INPP1: variants seen among roughly 807,000 people sequenced by gnomAD.
INPP1 encodes the protein inositol polyphosphate 1-phosphatase.
In INPP1, 18 loss-of-function variants were observed where a neutral mutation model predicts 23.0. The observed-to-expected ratio is 0.78, with a 90% confidence interval of 0.54 to 1.16. The LOEUF (loss-of-function observed/expected upper bound fraction) is 1.16. Ranked by LOEUF, INPP1 falls within the 50% of genes most tolerant of loss-of-function variation. The pLI is 0.00. For synonymous variants in INPP1, 164 were observed against 176.3 expected (o/e 0.93, Z 0.55); for missense variants, 448 against 482.1 (o/e 0.93, Z 0.66).
chr2:190,360,398 A>G, intron 3 of INPP1, 92 bp downstream of exon 3: 1 of 996,256 alleles, frequency 1.0e-6, no homozygotes, highest in East Asian at 2.6e-5. Flanking sequence ...CCTCACCCCT[A>G]TCAGTATACT....
rs1689333225 is a variant in INPP1, at chr2:190,352,012, C to A, written c.-65+2981C>A. 6.6e-6 allele frequency among the ~76,000 whole-genome samples: 1 copy of A among 152,172 alleles called. No homozygotes were observed. Among genetic ancestry groups the A allele is most frequent in the African/African-American group, 2.4e-5 (1 of 41,442 alleles). On this transcript the variant is annotated intron_variant, in intron 2 of 6. Transcript: ENST00000392329. This position sits in a 1 kb window ranked among gnomAD's most constrained non-coding sequence, Gnocchi z 4.7. The stretch of plus-strand genomic sequence containing the variant: ...AGCTATTCCATTGGATACATAGTGG[C>A]ACCCTGTTGAGATTTTAAGTTGCAT...
Position 190,367,675 on chromosome 2 carries a change from C to T in INPP1, c.466+780C>T, listed in dbSNP as rs192963836. On this transcript the variant is annotated intron_variant, in intron 5 of 6. Coordinates refer to ENST00000392329, the MANE Select transcript of INPP1 (RefSeq NM_001128928.2). This position sits in a 1 kb window ranked among gnomAD's most constrained non-coding sequence, Gnocchi z 4.1. The stretch of plus-strand genomic sequence containing the variant: ...CAAGCAATCCTCCTATCTCAGCTTC[C>T]CAAGTAGCTGGGACCCAAGTAGGTG... Among the ~76,000 whole-genome samples the T allele has an allele frequency of 3.0e-3, 453 of 152,270 alleles. 4 individuals are homozygous for T. The highest frequency in any genetic ancestry group is 0.01 in the African/African-American group (425 of 41,548).
intron 2 of INPP1, chr2:190,359,556 C>CA (rs756661265): frequency 0.042 from 2,584 of 61,128 alleles, 77 homozygotes; most frequent in Admixed American, 0.14. Flanking sequence ...GACTCCGTCT[C>CA]AAAAAAAAAA....
In INPP1 at chr2:190,371,090, T is replaced by C; in HGVS notation, c.888T>C (p.Cys296=). 1 of 1,614,206 alleles carries C rather than the reference T, an allele frequency of 6.2e-7. No homozygotes were observed. The highest frequency in any genetic ancestry group is 1.3e-5 in the African/African-American group (1 of 75,032). ...GAAGAGYKSL[C]VVQGLVDIYI... ...CTGGGGCTGGTTATAAGAGCCTATGTGTTGTCCAAGGCCTCGTTGACATTT... is the reference window on the plus strand; with the variant it reads ...CTGGGGCTGGTTATAAGAGCCTATGCGTTGTCCAAGGCCTCGTTGACATTT... The change falls in exon 7 of 7, where the codon TGT becomes TGC. Residue 296 remains cysteine, a synonymous_variant. Transcript: ENST00000392329. This position sits in a 1 kb window ranked among gnomAD's most constrained non-coding sequence, Gnocchi z 5.3.
rs1477108031 is a variant in INPP1 at position 190,354,384 on chromosome 2, C to A, written c.-65+5353C>A. Among the ~76,000 whole-genome samples, 1 of 140,430 alleles carries A rather than the reference C, an allele frequency of 7.1e-6. No individual in the cohort carries two copies. The highest frequency in any genetic ancestry group is 1.6e-5 in the Non-Finnish European group (1 of 63,572). 92.1% of individuals were successfully genotyped at this position (140,430 alleles called of 152,430 possible). A position where few individuals can be genotyped will look rare whatever the true frequency, so the allele number is the denominator to read the frequency against. ...TTTTAGGGGCTAAATTATGTTACTT[C>A]AAAATTCACATGTTGAAGCCCCAAC... On this transcript the variant is annotated intron_variant, in intron 2 of 6. Coordinates refer to ENST00000392329, the MANE Select transcript of INPP1 (RefSeq NM_001128928.2). The surrounding 1 kb of genome is among the most constrained non-coding windows in gnomAD (Gnocchi z 4.8).
At chr2:190,366,935 T>G in intron 5 of INPP1, 40 bp downstream of exon 5, 1 of 1,402,096 alleles carries the variant, frequency 7.1e-7, no homozygotes, top group Non-Finnish European at 1.0e-6. Flanking sequence ...TTTGCAATCT[T>G]TTTTTTGGTG....
rs768666886 is a variant in INPP1 at position 190,370,878 on chromosome 2, A to G, written c.676A>G (p.Met226Val). 12 of 1,613,278 alleles carry G rather than the reference A, an allele frequency of 7.4e-6. No individual in the cohort carries two copies. The highest frequency in any genetic ancestry group is 1.3e-5 in the African/African-American group (1 of 74,876). ...ACAGTGCTATTGGGGCCTTTCTTAC[A>G]TGGGGACCAACATGCATTCACTACA... ...KGQCYWGLSYMGTNMHSLQLT... is the reference protein window; with the variant it reads ...KGQCYWGLSYVGTNMHSLQLT... The change falls in exon 7 of 7, where the codon ATG becomes GTG. Residue 226 changes from methionine (M) to valine (V), a missense_variant. By Grantham distance (21) the Met-to-Val change is conservative. Coordinates refer to ENST00000392329, the MANE Select transcript of INPP1 (RefSeq NM_001128928.2).
chr2:190,370,791 G>A, intron 6 of INPP1, 53 bp from the exon 7 acceptor site: 1 of 1,293,344 alleles, frequency 7.7e-7, no homozygotes, highest in African/African-American at 1.5e-5. Context: ...AGTGACATGA[G>A]TAATGAAAAA....
intron 3 of INPP1, 40 bp from the exon 4 acceptor site, chr2:190,362,587 G>C (rs1201154593): frequency 7.6e-7 from 1 of 1,308,696 alleles, no homozygotes; most frequent in Non-Finnish European, 1.1e-6. Flanking sequence ...CATATGTGTG[G>C]GTTTTTGTTT....
chr2:190,359,921 G>A, intron 2 of INPP1, 118 bp from the exon 3 acceptor site: 1 of 590,050 alleles, frequency 1.7e-6, no homozygotes, highest in South Asian at 2.0e-5. Context: ...ATATGATATA[G>A]ACTAGCTGTT....
intron 2 of INPP1, among the ~76,000 whole-genome samples, chr2:190,358,141 G>A (rs1041737339): frequency 2.8e-5 from 4 of 145,202 alleles, no homozygotes; most frequent in African/African-American, 5.2e-5. Flanking sequence ...GTGCAGTGGC[G>A]TAATCTCGGC....
rs79892386 is a variant in INPP1, at chr2:190,352,706, A to G, written c.-65+3675A>G. Among the ~76,000 whole-genome samples the G allele has an allele frequency of 0.031, 4,665 of 152,312 alleles. 168 individuals are homozygous for G. The highest frequency in any genetic ancestry group is 0.039 in the Non-Finnish European group (2,668 of 68,036). The stretch of plus-strand genomic sequence containing the variant: ...GCAAAGGAGAGGTGGGACGAAGTCT[A>G]TGTTTCCCCTACAACAGCAATGTGA... On this transcript the variant is annotated intron_variant, in intron 2 of 6. Transcript: ENST00000392329. This position sits in a 1 kb window ranked among gnomAD's most constrained non-coding sequence, Gnocchi z 4.7.
chr2:190,370,352 C>T (rs577345177), intron 6 of INPP1, among the ~76,000 whole-genome samples: 1 of 152,282 alleles, frequency 6.6e-6, no homozygotes, highest in East Asian at 1.9e-4. Context: ...GTTGCCAAAA[C>T]TAATAACATT....
intron 2 of INPP1, among the ~76,000 whole-genome samples, chr2:190,358,671 A>G (rs2124928458): frequency 6.6e-6 from 1 of 152,360 alleles, no homozygotes; most frequent in East Asian, 1.9e-4. Context: ...ACTATAAAAC[A>G]GGGTTGATAA....
In INPP1 at chr2:190,371,171, A is replaced by G; in HGVS notation, c.969A>G (p.Ile323Met). ...GGGACTCTTGTGCTGCTCATGCCAT[A>G]CTGAGGGCCATGGGTGGGGGAATAG... ...FKWDSCAAHA[I>M]LRAMGGGIVD... The change falls in exon 7 of 7, where the codon ATA (isoleucine) becomes ATG (methionine). Residue 323 changes from isoleucine (I) to methionine (M), a missense_variant. Transcript: ENST00000392329. This position sits in a 1 kb window ranked among gnomAD's most constrained non-coding sequence, Gnocchi z 5.3. The G allele has an allele frequency of 6.2e-7, 1 of 1,614,178 alleles. No individual in the cohort carries two copies. The highest frequency in any genetic ancestry group is 8.5e-7 in the Non-Finnish European group (1 of 1,180,020).
intron 2 of INPP1, among the ~76,000 whole-genome samples, chr2:190,358,363 C>T (rs1319121505): frequency 1.3e-5 from 2 of 152,088 alleles, no homozygotes; most frequent in African/African-American, 4.8e-5. Flanking sequence ...AGGCATGAGC[C>T]ACTGCGCCCA....
In INPP1 at chr2:190,371,417, C is replaced by T. The variant is rs376339364; in HGVS notation, c.*15C>T. 2.9e-5 allele frequency: 44 copies of T among 1,507,304 alleles called. No homozygotes were observed. The East Asian group carries it at 3.6e-4, about 12-fold the overall frequency. 93.4% of individuals were successfully genotyped at this position (1,507,304 alleles called of 1,614,324 possible). ...CGCATACCTAGAGGAACTCTAACCC[C>T]GGTGTACCTGTATAAACTGAACTGT... On this transcript the variant is annotated 3_prime_UTR_variant, in exon 7 of 7. Coordinates refer to ENST00000392329, the MANE Select transcript of INPP1 (RefSeq NM_001128928.2). This position sits in a 1 kb window ranked among gnomAD's most constrained non-coding sequence, Gnocchi z 5.3.
chr2:190,370,835 C>T lies in INPP1; in HGVS notation c.642-9C>T. The T allele has an allele frequency of 6.4e-7, 1 of 1,555,022 alleles. No individual in the cohort carries two copies. Among genetic ancestry groups the T allele is most frequent in the Non-Finnish European group, 8.7e-7 (1 of 1,150,568 alleles). ...ATAATCATCACCAATTGAAATTTTT[C>T]TTCTACAGGTGGAAAGGACAGTGCT... On this transcript the variant is annotated splice_polypyrimidine_tract_variant and intron_variant, in intron 6 of 6. Transcript: ENST00000392329.
At position 190,369,161 on chromosome 2, in the gene INPP1, C is replaced by T; in HGVS notation, c.525C>T (p.Phe175=). 6.2e-7 allele frequency: 1 copy of T among 1,608,156 alleles called. No individual in the cohort carries two copies. The highest frequency in any genetic ancestry group is 8.5e-7 in the Non-Finnish European group (1 of 1,175,184). ...ACATTAAATCCAACCAGGGAATCTT[C>T]CCCTGTGGACTTCAGTGTGTCACCA... is the stretch of plus-strand genomic sequence containing the variant. The part of the protein sequence containing the change: ...SADIKSNQGI[F]PCGLQCVTIL... The change falls in exon 6 of 7, where the codon TTC becomes TTT. Residue 175 remains phenylalanine, a synonymous_variant. Transcript: ENST00000392329.
Sources: gnomAD v4.1 joint callset for allele counts (sites outside exome capture counted in the v4.1 genomes callset) on GRCh38, gnomAD v4.1.1 for gene constraint, Gnocchi (gnomAD v3.1) non-coding constraint, MANE v1.5 for transcripts, NCBI Gene and HGNC (gene_info 2026-07-23, HGNC 2026-07-21) for gene names.